Variants in BHMT2 observed in about 807,000 individuals in gnomAD.
BHMT2 encodes the protein S-methylmethionine--homocysteine S-methyltransferase BHMT2.
A neutral mutation model predicts 39.0 loss-of-function variants in BHMT2; 28 were observed. The observed-to-expected ratio is 0.72, with a 90% CI of 0.53 to 0.98. BHMT2 has a LOEUF of 0.98. Among genes scored for constraint, BHMT2 ranks in the 50% least tolerant of loss-of-function variants. The probability of loss-of-function intolerance (pLI) is 0.00; values close to 1 mark genes in which losing one functional copy is unlikely to be tolerated. For missense variants in BHMT2, 410 were observed against 455.6 expected (o/e 0.90, Z 0.91); for synonymous variants, 145 against 160.6 (o/e 0.90, Z 0.74).
chr5:79,084,367 C>T (rs1354731829), intron 7 of BHMT2, among the ~76,000 whole-genome samples: 1 of 152,072 alleles, frequency 6.6e-6, no homozygotes, highest in Admixed American at 6.6e-5. Flanking sequence ...ACCTCTGCCC[C>T]CCAGGTTCAA....
At position 79,077,497 on chromosome 5, in the gene BHMT2, G is replaced by A; in HGVS notation, c.51G>A (p.Leu17=). 3 of 1,613,748 alleles carry A rather than the reference G, an allele frequency of 1.9e-6. No homozygotes were observed. The highest frequency in any genetic ancestry group is 2.5e-6 in the Non-Finnish European group (3 of 1,179,900). ...PGAKKGILER[L]ESGEVVIGDG... is the part of the protein sequence containing the mutation. ...TTCTTCAGGGGATTTTGGAGCGCCT[G>A]GAGAGTGGGGAGGTTGTGATTGGAG... The change falls in exon 2 of 8, where the codon CTG becomes CTA. Residue 17 remains leucine (L), a synonymous_variant. Transcript: ENST00000255192.
At chr5:79,077,690 A>C in intron 2 of BHMT2, 78 bp downstream of exon 2, 3 of 1,523,862 alleles carry the variant, frequency 2.0e-6, no homozygotes, top group Non-Finnish European at 2.7e-6. Context: ...TCAAGAAAAA[A>C]ATAACAACTG....
intron 1 of BHMT2, among the ~76,000 whole-genome samples, chr5:79,071,467 T>C (rs973787046): frequency 6.6e-6 from 1 of 152,188 alleles, no homozygotes; most frequent in Admixed American, 6.5e-5. Context: ...AAATGCACCC[T>C]AGAGCTCGCT....
At chr5:79,069,983 A>G (rs1051301295) in intron 1 of BHMT2, among the ~76,000 whole-genome samples, 168 bp downstream of exon 1, 2 of 152,144 alleles carry the variant, frequency 1.3e-5, no homozygotes, top group Admixed American at 1.3e-4. Context: ...GTTAGCGTTT[A>G]TGGAGCCCTT....
At position 79,083,287 on chromosome 5, in the gene BHMT2, A is replaced by C; in HGVS notation, c.694A>C (p.Lys232Gln). 1 of 1,614,064 alleles carries C rather than the reference A, an allele frequency of 6.2e-7. No homozygotes were observed. The highest frequency in any genetic ancestry group is 8.5e-7 in the Non-Finnish European group (1 of 1,179,968). Residue 232 changes from lysine to glutamine, a missense_variant, in exon 6 of 8, where the codon AAA becomes CAA. Lys to Gln is a moderately conservative substitution (Grantham distance 53). Coordinates refer to ENST00000255192, the MANE Select transcript of BHMT2 (RefSeq NM_017614.5). ...MKEGLEWAGL[K>Q]AHLMVQPLGF... ...GGAGGGTCTTGAGTGGGCAGGGCTG[A>C]AAGCGCACCTCATGGTGCAGCCTCT... is the stretch of plus-strand genomic sequence containing the variant.
intron 6 of BHMT2, 83 bp downstream of exon 6, chr5:79,083,457 C>T (rs1432318819): frequency 3.7e-5 from 56 of 1,498,414 alleles, no homozygotes; most frequent in Non-Finnish European, 2.7e-5. Context: ...CCCAGTTTTA[C>T]AATAAGAGAC....
Position 79,080,797 on chromosome 5 carries a change from G to C in BHMT2, c.369G>C (p.Lys123Asn), listed in dbSNP as rs138489722. The C allele has an allele frequency of 1.2e-6, 2 of 1,605,878 alleles. No individual in the cohort carries two copies. The highest frequency in any genetic ancestry group is 2.7e-5 in the African/African-American group (2 of 74,314). The change falls in exon 4 of 8, where the codon AAG (lysine) becomes AAC (asparagine). Residue 123 changes from lysine to asparagine, a missense_variant. Transcript: ENST00000255192. ...AGACATCAATATACAAATACCAGAAGGATGAAGCTAGAATTAAAAAACTTT... is the reference window on the plus strand; with the variant it reads ...AGACATCAATATACAAATACCAGAACGATGAAGCTAGAATTAAAAAACTTT... ...ICQTSIYKYQ[K>N]DEARIKKLFR... is the part of the protein sequence containing the mutation.
chr5:79,086,445 T>G (rs1191569456), intron 7 of BHMT2, among the ~76,000 whole-genome samples: 1 of 152,192 alleles, frequency 6.6e-6, no homozygotes, highest in East Asian at 1.9e-4. Context: ...CTCCCCTTGA[T>G]ACCTAAAATC....
intron 1 of BHMT2, 117 bp downstream of exon 1, chr5:79,069,932 C>T (rs1580242484): frequency 1.8e-6 from 2 of 1,102,772 alleles, no homozygotes; most frequent in Admixed American, 4.3e-5. Context: ...AACACTTGGA[C>T]GGGATGGCCC....
rs372276376 is a variant in BHMT2, at chr5:79,088,497, C to T, written c.1015C>T (p.Arg339Ter). The change falls in exon 8 of 8, where the codon CGA becomes TGA. Residue 339 changes from arginine (R) to a stop codon, truncating the protein, a stop_gained. Coordinates refer to ENST00000255192, the MANE Select transcript of BHMT2 (RefSeq NM_017614.5). LOFTEE classifies it high-confidence loss of function. ...HTKPWIRARARREYWENLLPA... is the reference protein window; with the variant it reads ...HTKPWIRARA Reference sequence around the variant, plus strand: ...TATGTATATATTGAAACACAGGGCTCGAAGGGAGTATTGGGAGAATCTGCT... The same window carrying T: ...TATGTATATATTGAAACACAGGGCTTGAAGGGAGTATTGGGAGAATCTGCT... The T allele has an allele frequency of 1.1e-4, 177 of 1,613,308 alleles. No homozygotes were observed. The highest frequency in any genetic ancestry group is 1.4e-4 in the Non-Finnish European group (167 of 1,179,666).
intron 1 of BHMT2, among the ~76,000 whole-genome samples, chr5:79,074,856 G>A (rs908907430): frequency 6.6e-6 from 1 of 152,224 alleles, no homozygotes; most frequent in Admixed American, 6.5e-5. Flanking sequence ...ATGTCAATGA[G>A]ATGAGTCACT....
chr5:79,087,014 G>GTGCATATATA (rs1329456863), intron 7 of BHMT2, among the ~76,000 whole-genome samples: 13 of 118,310 alleles, frequency 1.1e-4, no homozygotes, highest in African/African-American at 3.8e-4. Flanking sequence ...GTGTGTGTGT[G>GTGCATATATA]TATATATATA....
rs566763373 is a variant in BHMT2, at chr5:79,089,512, G to A, written c.*938G>A. On this transcript the variant is annotated 3_prime_UTR_variant, in exon 8 of 8. Transcript: ENST00000255192. ...TTAAAATGTGTCTTCATAATCATAG[G>A]TAGCTAGGTTATAAACTATTTAAAG... The A allele has an allele frequency of 6.6e-6, 1 of 151,888 alleles. No homozygotes were observed. Among genetic ancestry groups the A allele is most frequent in the East Asian group, 1.9e-4 (1 of 5,182 alleles). 9.4% of individuals were successfully genotyped at this position (151,888 alleles called of 1,614,324 possible). A position where few individuals can be genotyped will look rare whatever the true frequency, so the allele number is the denominator to read the frequency against.
At chr5:79,088,011 C>A (rs1352833873) in intron 7 of BHMT2, among the ~76,000 whole-genome samples, 1 of 152,144 alleles carries the variant, frequency 6.6e-6, no homozygotes, top group Non-Finnish European at 1.5e-5. Context: ...GAGACCCTGT[C>A]TCTACTAAAA....
intron 1 of BHMT2, 130 bp from the exon 2 acceptor site, chr5:79,077,350 T>A: frequency 8.1e-7 from 1 of 1,231,474 alleles, no homozygotes; most frequent in Non-Finnish European, 1.1e-6. Context: ...TGAAATATTA[T>A]TAGAGCACAT....
chr5:79,085,293 A>T (rs1341099945), intron 7 of BHMT2, among the ~76,000 whole-genome samples: 1 of 152,232 alleles, frequency 6.6e-6, no homozygotes, highest in African/African-American at 2.4e-5. Context: ...CCTACTTGAA[A>T]ATACTGACCA....
chr5:79,087,725 G>A (rs1271392189), intron 7 of BHMT2, among the ~76,000 whole-genome samples: 2 of 152,084 alleles, frequency 1.3e-5, no homozygotes, highest in Non-Finnish European at 2.9e-5. Flanking sequence ...ACAAATATTG[G>A]TAAAGTAATT....
intron 7 of BHMT2, among the ~76,000 whole-genome samples, chr5:79,085,514 C>T (rs1180124648): frequency 1.3e-5 from 2 of 152,182 alleles, no homozygotes; most frequent in African/African-American, 4.8e-5. Flanking sequence ...AACTTCATCT[C>T]TACTAAAAAT....
intron 2 of BHMT2, 88 bp downstream of exon 2, chr5:79,077,700 G>C (rs181893717): frequency 7.6e-4 from 1,123 of 1,476,230 alleles, no homozygotes; most frequent in South Asian, 1.3e-3. Flanking sequence ...AATAACAACT[G>C]TTTCAAAGGG....
Sources: gnomAD v4.1 joint callset for allele counts (sites outside exome capture counted in the v4.1 genomes callset) on GRCh38, gnomAD v4.1.1 for gene constraint, MANE v1.5 for transcripts, NCBI Gene and HGNC (gene_info 2026-07-23, HGNC 2026-07-21) for gene names.